RBFOX1: variants seen among roughly 807,000 people sequenced by gnomAD.
RBFOX1 encodes the protein RNA binding fox-1 homolog 1.
In RBFOX1, 8 loss-of-function variants were observed where a neutral mutation model predicts 57.7. The ratio of observed to expected loss-of-function variants is 0.14; its 90% CI spans 0.08 to 0.25. RBFOX1 has a LOEUF of 0.25. Ranked by LOEUF, RBFOX1 falls within the 10% of genes least tolerant of loss-of-function variation. The pLI is 1.00. For missense variants in RBFOX1, 611 were observed against 548.5 expected (o/e 1.11, Z -1.14); for synonymous variants, 326 against 222.4 (o/e 1.47, Z -4.15).
chr16:7,361,993 TAGTG>T (rs796111437), intron 4 of RBFOX1, among the ~76,000 whole-genome samples: 147 of 151,760 alleles, frequency 9.7e-4, no homozygotes, highest in African/African-American at 3.2e-3. Flanking sequence ...GTATGTGTGT[TAGTG>T]TGTGTATGAT....
rs140967334 is a variant in RBFOX1 at position 6,729,203 on chromosome 16, T to C, written c.-16+74553T>C. On this transcript the variant is annotated intron_variant, in intron 3 of 15. Transcript: ENST00000550418. Reference sequence around the variant, plus strand: ...CCAAAATAGACTTACCTGGGAGATATATATGATTATATGTATATAATTGGG... The same window carrying C: ...CCAAAATAGACTTACCTGGGAGATACATATGATTATATGTATATAATTGGG... Among the ~76,000 whole-genome samples, 812 of 152,228 alleles carry C rather than the reference T, an allele frequency of 5.3e-3. 10 individuals are homozygous for C. The highest frequency in any genetic ancestry group is 0.019 in the African/African-American group (783 of 41,530).
chr16:6,348,227 A>G (rs1047987423), intron 2 of RBFOX1, among the ~76,000 whole-genome samples: 1 of 152,046 alleles, frequency 6.6e-6, no homozygotes, highest in Admixed American at 6.5e-5. Context: ...CCAGGTTCAC[A>G]CTCCAGCTCC....
chr16:5,938,065 TA>T (rs1471467976), intron 4 of RBFOX1, among the ~76,000 whole-genome samples: 2 of 152,202 alleles, frequency 1.3e-5, no homozygotes, highest in Non-Finnish European at 2.9e-5. Flanking sequence ...TATTTTTTGC[TA>T]ACATTCTGGC....
chr16:6,376,120 A>G (rs2152904412), intron 2 of RBFOX1, among the ~76,000 whole-genome samples: 1 of 152,278 alleles, frequency 6.6e-6, no homozygotes, highest in African/African-American at 2.4e-5. Context: ...GAGCTCTCAT[A>G]TCACATTTAT....
chr16:6,698,528 T>G (rs945690845), intron 3 of RBFOX1, among the ~76,000 whole-genome samples: 1 of 152,214 alleles, frequency 6.6e-6, no homozygotes, highest in South Asian at 2.1e-4. Flanking sequence ...CTCTTTCTTT[T>G]GTCTCTTCAA....
chr16:7,495,077 T>A (rs190215533), intron 4 of RBFOX1, among the ~76,000 whole-genome samples: 1 of 152,292 alleles, frequency 6.6e-6, no homozygotes, highest in East Asian at 1.9e-4. Context: ...GATACTCGTT[T>A]TCTGTTCCTG....
At chr16:5,508,416 C>G (rs1256438610) in intron 2 of RBFOX1, among the ~76,000 whole-genome samples, 1 of 152,178 alleles carries the variant, frequency 6.6e-6, no homozygotes, top group Non-Finnish European at 1.5e-5. Context: ...ACAGAGTCTC[C>G]TAGCAAGGTA....
At chr16:6,743,626 C>T (rs2072849519) in intron 3 of RBFOX1, among the ~76,000 whole-genome samples, 1 of 151,712 alleles carries the variant, frequency 6.6e-6, no homozygotes, top group East Asian at 1.9e-4. Flanking sequence ...GTCTGTAGTC[C>T]CAGCTACGTG....
In RBFOX1 at chr16:7,232,026, T is replaced by C. The variant is rs529232022; in HGVS notation, c.27+179928T>C. On this transcript the variant is annotated intron_variant, in intron 4 of 15. Coordinates refer to ENST00000550418, the MANE Select transcript of RBFOX1 (RefSeq NM_018723.4). ...TGTGAATGAACAAAATGCCACTGAA[T>C]TGTTTCCTTTTTTTTTTGAGACAGA... is the stretch of plus-strand genomic sequence containing the variant. Among the ~76,000 whole-genome samples, 3 of 152,270 alleles carry C rather than the reference T, an allele frequency of 2.0e-5. No homozygotes were observed. In the South Asian group the frequency reaches 6.2e-4, roughly 32 times the overall value.
intron 2 of RBFOX1, among the ~76,000 whole-genome samples, chr16:6,571,726 A>G (rs2097347454): frequency 6.6e-6 from 1 of 152,214 alleles, no homozygotes; most frequent in Non-Finnish European, 1.5e-5. Context: ...TATTTATTAC[A>G]CAGAGGAAAG....
intron 3 of RBFOX1, among the ~76,000 whole-genome samples, chr16:7,027,879 G>GA (rs1291468997): frequency 6.7e-6 from 1 of 149,760 alleles, no homozygotes; most frequent in African/African-American, 2.5e-5. Flanking sequence ...GAAACCGGGA[G>GA]AAAAAAAGAA....
intron 5 of RBFOX1, among the ~76,000 whole-genome samples, chr16:7,522,384 G>C (rs1223656071): frequency 2.6e-5 from 4 of 152,188 alleles, no homozygotes; most frequent in African/African-American, 9.7e-5. Flanking sequence ...CATTCAACCA[G>C]TTGAATGTTG....
intron 1 of RBFOX1, among the ~76,000 whole-genome samples, chr16:6,190,191 C>T (rs2097133012): frequency 6.6e-6 from 1 of 152,128 alleles, no homozygotes; most frequent in African/African-American, 2.4e-5. Flanking sequence ...TGTAGATGTT[C>T]AATAAGTATT....
intron 3 of RBFOX1, among the ~76,000 whole-genome samples, chr16:5,730,448 G>A (rs917586021): frequency 1.8e-4 from 27 of 152,228 alleles, no homozygotes; most frequent in Middle Eastern, 6.8e-3. Context: ...CTCTGGCTGC[G>A]CACACACACT....
At position 5,433,122 on chromosome 16, in the gene RBFOX1, G is replaced by A. The variant is rs2067804771; in HGVS notation, c.220-34094G>A. On this transcript the variant is annotated intron_variant, in intron 1 of 2. Transcript: ENST00000585867. ...CAACCCTGAGCTTCCACTGTGCAGA[G>A]TCACTGTTTCTCAGCTTCCCAAAGT... 2.0e-5 allele frequency among the ~76,000 whole-genome samples: 3 copies of A among 152,184 alleles called. No individual in the cohort carries two copies. In the South Asian group the frequency reaches 6.2e-4, roughly 32 times the overall value.
chr16:7,599,637 A>AT (rs1568025531), intron 9 of RBFOX1, among the ~76,000 whole-genome samples: 1 of 44,616 alleles, frequency 2.2e-5, no homozygotes, highest in African/African-American at 1.7e-4. Flanking sequence ...ATTAATAAAG[A>AT]CTTTTTTTTT....
chr16:5,607,119 G>A (rs1030686887), intron 3 of RBFOX1, among the ~76,000 whole-genome samples: 1 of 152,188 alleles, frequency 6.6e-6, no homozygotes, highest in Non-Finnish European at 1.5e-5. Context: ...CTGGGGAGCA[G>A]AGGGGTCACC....
chr16:5,554,238 T>C (rs996492239), intron 2 of RBFOX1, among the ~76,000 whole-genome samples: 1 of 152,166 alleles, frequency 6.6e-6, no homozygotes, highest in Admixed American at 6.5e-5. Flanking sequence ...CCGGAAGTGC[T>C]GGGATTACAG....
chr16:5,816,079 T>C (rs1238139174), intron 3 of RBFOX1, among the ~76,000 whole-genome samples: 1 of 152,170 alleles, frequency 6.6e-6, no homozygotes, highest in African/African-American at 2.4e-5. Context: ...AGCCTCCAGT[T>C]CTCCATGGGG....
Sources: allele counts gnomAD v4.1 joint callset (sites outside exome capture counted in the v4.1 genomes callset), GRCh38; gene constraint gnomAD v4.1.1; transcripts MANE v1.5; gene names NCBI Gene and HGNC (gene_info 2026-07-23, HGNC 2026-07-21).